The following SPHKAP variants were observed in gnomAD, a reference collection of about 807,000 sequenced individuals.
SPHKAP encodes SPHK1 interactor, AKAP domain containing.
SPHKAP carries 67 observed loss-of-function variants against 137.5 expected under a neutral mutation model. The observed-to-expected ratio is 0.49, with a 90% confidence interval of 0.40 to 0.60. The LOEUF (loss-of-function observed/expected upper bound fraction) is 0.60, where lower values mean the gene tolerates loss of function less well. Ranked by LOEUF, SPHKAP falls within the 20% of genes least tolerant of loss-of-function variation. The pLI is 0.00. For synonymous variants in SPHKAP, 813 were observed against 785.3 expected, an observed-to-expected ratio of 1.04 and a Z score of -0.59; for missense variants, 2,097 against 2,069.3, an observed-to-expected ratio of 1.01 and a Z score of -0.26.
chr2:228,031,734 G>A (rs962571446), intron 3 of SPHKAP, among the ~76,000 whole-genome samples: 9 of 151,860 alleles, frequency 5.9e-5, no homozygotes, highest in East Asian at 1.9e-4. Flanking sequence ...TACAGCCACC[G>A]CTGTTCTGTA....
At chr2:228,027,187 T>G (rs1475035964) in intron 4 of SPHKAP, among the ~76,000 whole-genome samples, 2 of 152,176 alleles carry the variant, frequency 1.3e-5, no homozygotes, top group African/African-American at 2.4e-5. Flanking sequence ...TTGGCTGGTA[T>G]CAGCAGGTTT....
At chr2:228,054,996 G>C (rs1188149680) in intron 3 of SPHKAP, among the ~76,000 whole-genome samples, 2 of 151,896 alleles carry the variant, frequency 1.3e-5, no homozygotes, top group African/African-American at 4.8e-5. Context: ...CAAAAAATTA[G>C]CCAGGCATGG....
intron 7 of SPHKAP, among the ~76,000 whole-genome samples, chr2:228,014,679 A>C (rs968748434): frequency 6.6e-6 from 1 of 152,116 alleles, no homozygotes; most frequent in Non-Finnish European, 1.5e-5. Flanking sequence ...GATGTCCTCT[A>C]ATGGGGAGCA....
chr2:228,161,303 G>A (rs1051931285), intron 1 of SPHKAP, among the ~76,000 whole-genome samples: 1 of 152,210 alleles, frequency 6.6e-6, no homozygotes, highest in Non-Finnish European at 1.5e-5. Flanking sequence ...GGAAGACAGG[G>A]TGAGCTCACA....
chr2:228,012,534 TTTTTA>T (rs1271204082), intron 7 of SPHKAP, among the ~76,000 whole-genome samples: 1 of 152,190 alleles, frequency 6.6e-6, no homozygotes, highest in Non-Finnish European at 1.5e-5. Context: ...ACCACATTAT[TTTTTA>T]TTTTTTCTCA....
intron 3 of SPHKAP, among the ~76,000 whole-genome samples, chr2:228,062,423 C>G (rs1331794395): frequency 6.6e-6 from 1 of 152,056 alleles, no homozygotes; most frequent in Non-Finnish European, 1.5e-5. Flanking sequence ...GCCACCACAC[C>G]CGGCCTCCCC....
chr2:228,001,312 CAT>C lies in SPHKAP; in HGVS notation c.4449-5620_4449-5619del, dbSNP rs1388028623. Among the ~76,000 whole-genome samples the C allele has an allele frequency of 2.0e-3, 277 of 138,940 alleles. 1 individual carries two copies. The highest frequency in any genetic ancestry group is 1.0e-2 in the South Asian group (45 of 4,502). The allele number at this position is 138,940 out of a possible 152,430, so 91.2% of individuals were successfully genotyped here. A position where few individuals can be genotyped will look rare whatever the true frequency, so the allele number is the denominator to read the frequency against. On this transcript the variant is annotated intron_variant, in intron 7 of 11. Transcript: ENST00000392056. ...ATCTATACATATAAATATATCTATA[CAT>C]ATATAAATATATATACATATATAAA...
chr2:228,153,042 A>G lies in SPHKAP; in HGVS notation c.33-20957T>C, dbSNP rs139580639. On this transcript the variant is annotated intron_variant, in intron 1 of 11. Coordinates refer to ENST00000392056, the MANE Select transcript of SPHKAP (RefSeq NM_001142644.2). Reference sequence around the variant, plus strand: ...GGGTTTCCCCTTTCACTTGGCTCTCATTCTCTCTTGTCTGCTGCCATGTAA... The same window carrying G: ...GGGTTTCCCCTTTCACTTGGCTCTCGTTCTCTCTTGTCTGCTGCCATGTAA... Among the ~76,000 whole-genome samples, 599 of 152,192 alleles carry G rather than the reference A, an allele frequency of 3.9e-3. 4 individuals carry two copies. The highest frequency in any genetic ancestry group is 0.014 in the African/African-American group (564 of 41,526).
chr2:227,995,750 A>C, intron 7 of SPHKAP, 56 bp from the exon 8 acceptor site: 1 of 1,467,536 alleles, frequency 6.8e-7, no homozygotes, highest in African/African-American at 1.4e-5. Context: ...ACACACACAG[A>C]AACTTCACAG....
chr2:228,001,535 A>G lies in SPHKAP; in HGVS notation c.4449-5841T>C, dbSNP rs1304346930. On this transcript the variant is annotated intron_variant, in intron 7 of 11. Coordinates refer to ENST00000392056, the MANE Select transcript of SPHKAP (RefSeq NM_001142644.2). ...TATATAAGAATATATATACATATAT[A>G]TAAAAATATACATATATATAAAAAT... Among the ~76,000 whole-genome samples, 5 of 144,814 alleles carry G rather than the reference A, an allele frequency of 3.5e-5. No individual in the cohort carries two copies. The East Asian group carries it at 5.9e-4, about 17-fold the overall frequency.
At position 228,144,932 on chromosome 2, in the gene SPHKAP, G is replaced by A. The variant is rs141165863; in HGVS notation, c.33-12847C>T. Among the ~76,000 whole-genome samples the A allele has an allele frequency of 2.1e-4, 32 of 152,232 alleles. No individual in the cohort carries two copies. The East Asian group carries it at 5.0e-3, about 24-fold the overall frequency. ...CTTAAAGCCAAAGATAACATCCCACGGCAAAAGCTTTAGTCCTGACTGAGA... is the reference window on the plus strand; with the variant it reads ...CTTAAAGCCAAAGATAACATCCCACAGCAAAAGCTTTAGTCCTGACTGAGA... On this transcript the variant is annotated intron_variant, in intron 1 of 11. Transcript: ENST00000392056.
At chr2:228,013,996 C>CTT (rs1388624779) in intron 7 of SPHKAP, among the ~76,000 whole-genome samples, 1 of 152,080 alleles carries the variant, frequency 6.6e-6, no homozygotes, top group East Asian at 1.9e-4. Flanking sequence ...GTAATACAAA[C>CTT]CTAAGTCATT....
chr2:228,074,796 T>G lies in SPHKAP; in HGVS notation c.246+34036A>C, dbSNP rs1697122115. ...CCCTCCTTCCTTTGATCTTTCTTCT[T>G]TATAATTTTCTTCCTTCCTCCCCTT... On this transcript the variant is annotated intron_variant, in intron 3 of 11. Coordinates refer to ENST00000392056, the MANE Select transcript of SPHKAP (RefSeq NM_001142644.2). 2.0e-5 allele frequency among the ~76,000 whole-genome samples: 3 copies of G among 152,184 alleles called. No homozygotes were observed. In the South Asian group the frequency reaches 6.2e-4, roughly 32 times the overall value.
At chr2:228,143,033 C>A (rs150004898) in intron 1 of SPHKAP, among the ~76,000 whole-genome samples, 31 of 152,062 alleles carry the variant, frequency 2.0e-4, no homozygotes, top group African/African-American at 7.5e-4. Flanking sequence ...GACTTACACA[C>A]TGAGATATTC....
chr2:228,099,772 T>C (rs1378557553), intron 3 of SPHKAP, among the ~76,000 whole-genome samples: 3 of 152,068 alleles, frequency 2.0e-5, no homozygotes, highest in Non-Finnish European at 4.4e-5. Flanking sequence ...CTAAAATGTG[T>C]GTGTGTTTGT....
At chr2:228,117,394 G>C (rs1698746518) in intron 2 of SPHKAP, among the ~76,000 whole-genome samples, 1 of 152,026 alleles carries the variant, frequency 6.6e-6, no homozygotes, top group Admixed American at 6.6e-5. Flanking sequence ...AAGAGGCATG[G>C]GCATCACTCA....
intron 1 of SPHKAP, among the ~76,000 whole-genome samples, chr2:228,155,224 A>AT (rs547576482): frequency 0.013 from 1,882 of 144,738 alleles, 22 homozygotes; most frequent in African/African-American, 0.039. Context: ...ACCATTGTTC[A>AT]TTTTTTTTTT....
At chr2:228,037,171 A>C (rs1463928711) in intron 3 of SPHKAP, among the ~76,000 whole-genome samples, 1 of 152,116 alleles carries the variant, frequency 6.6e-6, no homozygotes, top group African/African-American at 2.4e-5. Flanking sequence ...TGTACTCTAA[A>C]GACATAATTT....
At position 228,061,325 on chromosome 2, in the gene SPHKAP, G is replaced by A. The variant is rs140434808; in HGVS notation, c.247-33782C>T. 4.6e-3 allele frequency among the ~76,000 whole-genome samples: 698 copies of A among 152,070 alleles called. 7 individuals are homozygous for A. Among genetic ancestry groups the A allele is most frequent in the African/African-American group, 0.016 (664 of 41,492 alleles). Reference sequence around the variant, plus strand: ...CACCCAGGCTGGATTGTGCAGTGGCGTGATCTCGGCTCACTGCAACCTTTG... The same window carrying A: ...CACCCAGGCTGGATTGTGCAGTGGCATGATCTCGGCTCACTGCAACCTTTG... On this transcript the variant is annotated intron_variant, in intron 3 of 11. Transcript: ENST00000392056.
Sources: allele counts gnomAD v4.1 joint callset (sites outside exome capture counted in the v4.1 genomes callset), GRCh38; gene constraint gnomAD v4.1.1; transcripts MANE v1.5; gene names NCBI Gene and HGNC (gene_info 2026-07-23, HGNC 2026-07-21).